SH3D19: variants seen among roughly 807,000 people sequenced by gnomAD.
The protein encoded by SH3D19 is SH3 domain containing 19, also known as SH3 domain-containing protein 19.
A neutral mutation model predicts 112.1 loss-of-function variants in SH3D19; 58 were observed. The observed-to-expected ratio is 0.52, with a 90% CI of 0.42 to 0.64. The LOEUF (loss-of-function observed/expected upper bound fraction) is 0.64, where lower values mean the gene tolerates loss of function less well. SH3D19 is among the 30% of genes least tolerant of loss of function. SH3D19 has a pLI of 0.00. For synonymous variants in SH3D19, 391 were observed against 448.5 expected (o/e 0.87, Z 1.62); for missense variants, 1,090 against 1,263.4 (o/e 0.86, Z 2.08).
intron 11 of SH3D19, among the ~76,000 whole-genome samples, chr4:151,146,964 G>A (rs951657189): frequency 6.6e-6 from 1 of 152,056 alleles, no homozygotes; most frequent in South Asian, 2.1e-4. Flanking sequence ...AATGGACCAC[G>A]ATAATTATTG....
At chr4:151,166,782 G>C (rs1758112039) in intron 7 of SH3D19, among the ~76,000 whole-genome samples, 1 of 152,134 alleles carries the variant, frequency 6.6e-6, no homozygotes, top group Non-Finnish European at 1.5e-5. Context: ...TTGCTGAGCA[G>C]CTCTTTGCAG....
intron 2 of SH3D19, among the ~76,000 whole-genome samples, chr4:151,190,536 T>G (rs990713303): frequency 6.6e-6 from 1 of 152,168 alleles, no homozygotes; most frequent in African/African-American, 2.4e-5. Context: ...TCCCAGCCAC[T>G]CCAGCTGTGG....
intron 7 of SH3D19, among the ~76,000 whole-genome samples, chr4:151,173,948 C>G (rs1759492620): frequency 6.6e-6 from 1 of 152,216 alleles, no homozygotes; most frequent in Admixed American, 6.5e-5. Flanking sequence ...TACCATCACA[C>G]TCTCCAACGG....
intron 2 of SH3D19, among the ~76,000 whole-genome samples, chr4:151,194,116 C>T (rs1763055039): frequency 6.8e-6 from 1 of 147,824 alleles, no homozygotes; most frequent in Non-Finnish European, 1.5e-5. Flanking sequence ...ACCTCTGCCT[C>T]CTGGGTTTTA....
chr4:151,156,671 A>T (rs1432437099), intron 9 of SH3D19, among the ~76,000 whole-genome samples: 1 of 152,188 alleles, frequency 6.6e-6, no homozygotes, highest in African/African-American at 2.4e-5. Flanking sequence ...ATAAGACTCA[A>T]CTCAAAGACC....
At chr4:151,147,596 G>T (rs1197684702) in intron 11 of SH3D19, among the ~76,000 whole-genome samples, 1 of 152,164 alleles carries the variant, frequency 6.6e-6, no homozygotes, top group East Asian at 1.9e-4. Context: ...TGAGTAGCTA[G>T]GATTACAGGA....
chr4:151,237,342 T>G (rs571957861), intron 1 of SH3D19, among the ~76,000 whole-genome samples: 2 of 152,224 alleles, frequency 1.3e-5, no homozygotes, highest in South Asian at 4.1e-4. Context: ...TTATATATCT[T>G]TGATTTTGCA....
chr4:151,122,028 C>A lies in SH3D19; in HGVS notation c.*63G>T. 1 of 799,988 alleles carries A rather than the reference C, an allele frequency of 1.3e-6. No individual in the cohort carries two copies. The highest frequency in any genetic ancestry group is 1.6e-5 in the South Asian group (1 of 63,258). 49.6% of individuals were successfully genotyped at this position (799,988 alleles called of 1,614,324 possible). On this transcript the variant is annotated 3_prime_UTR_variant, in exon 20 of 20. Transcript: ENST00000604030. ...TAAAAAAAATAGTGCAAAAACATAT[C>A]TGATAGTCAAGGTGATAGTTCAAGT... is the stretch of plus-strand genomic sequence containing the variant.
chr4:151,206,572 G>A (rs1232110186), intron 2 of SH3D19, among the ~76,000 whole-genome samples: 1 of 152,182 alleles, frequency 6.6e-6, no homozygotes, highest in African/African-American at 2.4e-5. Context: ...CAAGGCTATA[G>A]TTTTGGTAGT....
chr4:151,279,927 T>C lies in SH3D19; in HGVS notation c.112+45314A>G, dbSNP rs940551504. 5.0e-6 allele frequency: 8 copies of C among 1,613,534 alleles called. No individual in the cohort carries two copies. The African/African-American group carries it at 5.3e-5, about 11-fold the overall frequency. On this transcript the variant is annotated intron_variant, in intron 1 of 19. Transcript: ENST00000604030. Reference sequence around the variant, plus strand: ...TGGAGGTTCCCTCGTCAGTGAGAGGTTGATACTGACAGCAGCACACTGCAT... The same window carrying C: ...TGGAGGTTCCCTCGTCAGTGAGAGGCTGATACTGACAGCAGCACACTGCAT...
intron 1 of SH3D19, among the ~76,000 whole-genome samples, chr4:151,309,140 A>G (rs189589142): frequency 2.0e-3 from 310 of 152,394 alleles, no homozygotes; most frequent in African/African-American, 7.1e-3. Flanking sequence ...AAGTACTGGG[A>G]TAACAGGCGT....
At chr4:151,124,851 C>T (rs1255655704) in intron 19 of SH3D19, among the ~76,000 whole-genome samples, 1 of 152,128 alleles carries the variant, frequency 6.6e-6, no homozygotes, top group Admixed American at 6.6e-5. Context: ...ATCTTATGGA[C>T]AACCATTTGT....
At chr4:151,130,608 C>T (rs1433854184) in intron 17 of SH3D19, among the ~76,000 whole-genome samples, 1 of 152,040 alleles carries the variant, frequency 6.6e-6, no homozygotes, top group Non-Finnish European at 1.5e-5. Flanking sequence ...ACAAATGAAA[C>T]AAATGTTCCT....
Position 151,255,278 on chromosome 4 carries a change from T to C in SH3D19, c.113-29192A>G, listed in dbSNP as rs1310949069. 1.6e-3 allele frequency among the ~76,000 whole-genome samples: 198 copies of C among 124,618 alleles called. 2 individuals are homozygous for C. Among genetic ancestry groups the C allele is most frequent in the Admixed American group, 0.01 (125 of 12,138 alleles). The allele number at this position is 124,618 out of a possible 152,430, so 81.8% of individuals were successfully genotyped here. On this transcript the variant is annotated intron_variant, in intron 1 of 19. Coordinates refer to ENST00000604030, the MANE Select transcript of SH3D19 (RefSeq NM_001378122.1). ...GCTCCTCACTTCTCAGACGGGGCGG[T>C]TGCCGGGCAGAGGGTCTCCTCACTT...
intron 9 of SH3D19, 50 bp from the exon 10 acceptor site, chr4:151,149,611 A>G (rs757606145): frequency 6.5e-7 from 1 of 1,547,188 alleles, no homozygotes. Context: ...TGAAACAAGA[A>G]CTTGTCAAGA....
chr4:151,224,816 C>CAGGT (rs1768724976), intron 2 of SH3D19, among the ~76,000 whole-genome samples: 1 of 152,138 alleles, frequency 6.6e-6, no homozygotes, highest in African/African-American at 2.4e-5. Flanking sequence ...CAAGTAGCTG[C>CAGGT]GATTACAGGT....
intron 2 of SH3D19, among the ~76,000 whole-genome samples, chr4:151,216,635 C>T (rs1156801598): frequency 6.6e-6 from 1 of 152,108 alleles, no homozygotes; most frequent in East Asian, 1.9e-4. Flanking sequence ...GCCAACAAGC[C>T]CATCTTGAGA....
chr4:151,292,311 A>G (rs12649384), intron 1 of SH3D19, among the ~76,000 whole-genome samples: 11,408 of 151,888 alleles, frequency 0.075, 467 homozygotes, highest in East Asian at 0.11. Context: ...AAAAAAAAAA[A>G]GGAAAAGAAA....
At chr4:151,276,242 A>G (rs1289945578) in intron 1 of SH3D19, among the ~76,000 whole-genome samples, 1 of 152,236 alleles carries the variant, frequency 6.6e-6, no homozygotes, top group Non-Finnish European at 1.5e-5. Context: ...TTCTGCCTCC[A>G]CAGACCTAGC....
Sources: allele counts gnomAD v4.1 joint callset (sites outside exome capture counted in the v4.1 genomes callset), GRCh38; gene constraint gnomAD v4.1.1; transcripts MANE v1.5; gene names NCBI Gene and HGNC (gene_info 2026-07-23, HGNC 2026-07-21).